SCLT1: variants seen among roughly 807,000 people sequenced by gnomAD.
SCLT1 encodes the protein sodium channel-associated protein 1.
Under a neutral mutation model 112.8 loss-of-function variants are expected in SCLT1, and 78 were observed. The observed-to-expected ratio is 0.69, with a 90% CI of 0.58 to 0.83. The LOEUF (loss-of-function observed/expected upper bound fraction) is 0.83. Ranked by LOEUF, SCLT1 falls within the 40% of genes least tolerant of loss-of-function variation. The pLI, the probability that SCLT1 is intolerant of heterozygous loss-of-function variation, is 0.00. For missense variants in SCLT1, 747 were observed against 770.4 expected (o/e 0.97, Z 0.36); for synonymous variants, 257 against 254.7 (o/e 1.01, Z -0.09).
In SCLT1 at chr4:128,946,061, T is replaced by A; in HGVS notation, c.1385A>T (p.Asp462Val). ...RFLVSERSKD[D>V]LQLRLTRAEN... is the part of the protein sequence containing the mutation. The stretch of plus-strand genomic sequence containing the variant: ...TGCTCTCGTAAGTCTTAGCTGAAGA[T>A]CATCTTTTGAACGCTCTGAAACCAG... The change falls in exon 16 of 21, where the codon GAT becomes GTT. Residue 462 changes from aspartate to valine, a missense_variant. By Grantham distance (152) the Asp-to-Val change is radical (BLOSUM62 -3). This residue lies in a region of SCLT1 where 723 missense variants were observed against 721.3 expected (regional missense o/e 1.00). Transcript: ENST00000281142. The A allele has an allele frequency of 6.2e-7, 1 of 1,611,552 alleles. No individual in the cohort carries two copies. Among genetic ancestry groups the A allele is most frequent in the Non-Finnish European group, 8.5e-7 (1 of 1,177,948 alleles).
At chr4:129,025,464 A>C (rs2126131772) in intron 5 of SCLT1, among the ~76,000 whole-genome samples, 1 of 152,302 alleles carries the variant, frequency 6.6e-6, no homozygotes, top group East Asian at 1.9e-4. Flanking sequence ...TCATAAGTGA[A>C]GGAGAAATAA....
chr4:129,085,911 G>T (rs1410012359), intron 1 of SCLT1, among the ~76,000 whole-genome samples: 1 of 152,060 alleles, frequency 6.6e-6, no homozygotes, highest in Non-Finnish European at 1.5e-5. Context: ...TGGGTATTAG[G>T]CTTAATACCT....
chr4:128,991,300 T>A (rs571348281), intron 9 of SCLT1, among the ~76,000 whole-genome samples: 191 of 151,586 alleles, frequency 1.3e-3, no homozygotes, highest in Non-Finnish European at 2.4e-3. Flanking sequence ...TCAACCCCTA[T>A]CTCTTGCCAT....
chr4:128,897,958 A>C (rs972068341), intron 18 of SCLT1, among the ~76,000 whole-genome samples: 2 of 152,236 alleles, frequency 1.3e-5, no homozygotes, highest in African/African-American at 4.8e-5. Flanking sequence ...GGATCAACTC[A>C]ACAAGAAGAG....
intron 18 of SCLT1, among the ~76,000 whole-genome samples, chr4:128,905,524 C>T (rs1579336321): frequency 6.6e-6 from 1 of 151,614 alleles, no homozygotes; most frequent in Admixed American, 6.6e-5. Flanking sequence ...GCACTTTAGA[C>T]TTTTTTTTAA....
chr4:128,994,641 A>G (rs1003659531), intron 8 of SCLT1, among the ~76,000 whole-genome samples: 1 of 152,096 alleles, frequency 6.6e-6, no homozygotes, highest in Admixed American at 6.6e-5. Flanking sequence ...AAAATGTTCA[A>G]GGTTTCCAAT....
rs1739510419 is a variant in SCLT1, at chr4:128,959,635, G to A, written c.1012C>T (p.Gln338Ter). The A allele has an allele frequency of 6.2e-7, 1 of 1,613,138 alleles. No individual in the cohort carries two copies. Among genetic ancestry groups the A allele is most frequent in the Non-Finnish European group, 8.5e-7 (1 of 1,179,508 alleles). The change falls in exon 12 of 21, where the codon CAA becomes TAA. Residue 338 changes from glutamine (Q) to a stop codon, truncating the protein, a stop_gained. Coordinates refer to ENST00000281142, the MANE Select transcript of SCLT1 (RefSeq NM_144643.4). LOFTEE classifies it high-confidence loss of function. ...TGAAGGTTAGCTTCTTCTAAGAGTT[G>A]CATGCTATTTCTGGCTCTTACAATA... ...EAIVRARNSM[Q>*]LLEEANLQKS...
downstream of SCLT1, among the ~76,000 whole-genome samples, chr4:128,880,105 A>G (rs1010975350): frequency 2.0e-5 from 3 of 152,196 alleles, no homozygotes; most frequent in African/African-American, 7.2e-5. Flanking sequence ...TCTGGAAAAT[A>G]TGACTAGTAT....
chr4:129,037,542 G>T lies in SCLT1; in HGVS notation c.290+1499C>A, dbSNP rs575877550. ...AAGTCTCCAGTTTTATGGAAATAAT[G>T]CTGCCATGGTAGTAATAGGGATGGT... is the stretch of plus-strand genomic sequence containing the variant. On this transcript the variant is annotated intron_variant, in intron 5 of 20. Transcript: ENST00000281142. 3.9e-5 allele frequency: 6 copies of T among 152,274 alleles called. No homozygotes were observed. In the South Asian group the frequency reaches 1.0e-3, roughly 26 times the overall value. 9.4% of individuals were successfully genotyped at this position (152,274 alleles called of 1,614,324 possible). A position where few individuals can be genotyped will look rare whatever the true frequency, so the allele number is the denominator to read the frequency against.
At chr4:129,080,279 C>CATTTTTCT (rs1751822743) in intron 2 of SCLT1, among the ~76,000 whole-genome samples, 1 of 152,228 alleles carries the variant, frequency 6.6e-6, no homozygotes, top group African/African-American at 2.4e-5. Flanking sequence ...AGGCTGTAAA[C>CATTTTTCT]TTTCCAAACT....
intron 11 of SCLT1, 22 bp downstream of exon 11, chr4:128,965,205 C>A: frequency 9.2e-6 from 11 of 1,197,268 alleles, no homozygotes; most frequent in Non-Finnish European, 1.4e-5. Context: ...ATCAACAAAG[C>A]TAGGTGCATT....
chr4:128,986,977 T>G (rs1742151716), intron 9 of SCLT1, among the ~76,000 whole-genome samples: 1 of 151,762 alleles, frequency 6.6e-6, no homozygotes, highest in South Asian at 2.1e-4. Context: ...GGGGAAGGAG[T>G]AAGAGACTTT....
At position 129,003,434 on chromosome 4, in the gene SCLT1, A is replaced by T. The variant is rs543602091; in HGVS notation, c.426+307T>A. ...GTATCCTAGAACTTAAAGTATAATT[A>T]AAAAAAAAAAAAAGAAAAAGAAAAA... On this transcript the variant is annotated intron_variant, in intron 6 of 20. Coordinates refer to ENST00000281142, the MANE Select transcript of SCLT1 (RefSeq NM_144643.4). Among the ~76,000 whole-genome samples the T allele has an allele frequency of 1.7e-3, 233 of 136,810 alleles. 1 individual carries two copies. Among genetic ancestry groups the T allele is most frequent in the East Asian group, 0.014 (67 of 4,952 alleles). 89.8% of individuals were successfully genotyped at this position (136,810 alleles called of 152,430 possible). A position where few individuals can be genotyped will look rare whatever the true frequency, so the allele number is the denominator to read the frequency against.
intron 2 of SCLT1, among the ~76,000 whole-genome samples, chr4:129,060,999 T>C (rs999312750): frequency 2.6e-5 from 4 of 152,160 alleles, no homozygotes; most frequent in South Asian, 2.1e-4. Context: ...TACTTGTGGT[T>C]CTATCCCTGG....
At chr4:129,072,859 G>A (rs1044875715) in intron 2 of SCLT1, among the ~76,000 whole-genome samples, 1 of 151,950 alleles carries the variant, frequency 6.6e-6, no homozygotes, top group African/African-American at 2.4e-5. Context: ...TGTGATTCTT[G>A]GGGGGTGCTG....
chr4:128,953,629 TA>T (rs1170683359), intron 13 of SCLT1, among the ~76,000 whole-genome samples: 92 of 143,978 alleles, frequency 6.4e-4, no homozygotes, highest in Admixed American at 7.0e-4. Context: ...TCCGTCTCTA[TA>T]AAAAAAAAAA....
At chr4:128,890,048 A>C (rs1733191854) in intron 19 of SCLT1, among the ~76,000 whole-genome samples, 1 of 152,228 alleles carries the variant, frequency 6.6e-6, no homozygotes, top group Non-Finnish European at 1.5e-5. Context: ...CAATTTACCA[A>C]GATGTTTAAA....
At chr4:129,013,195 T>C (rs2126107949) in intron 5 of SCLT1, among the ~76,000 whole-genome samples, 1 of 152,278 alleles carries the variant, frequency 6.6e-6, no homozygotes, top group South Asian at 2.1e-4. Flanking sequence ...TTTGTGCTTG[T>C]AAGTTCTTAC....
At chr4:128,932,495 C>T (rs930796092) in intron 18 of SCLT1, among the ~76,000 whole-genome samples, 1 of 151,782 alleles carries the variant, frequency 6.6e-6, no homozygotes, top group Non-Finnish European at 1.5e-5. Flanking sequence ...ATGACAAATC[C>T]ACAGCTAACA....
Sources: gnomAD v4.1 joint callset for allele counts (sites outside exome capture counted in the v4.1 genomes callset) on GRCh38, gnomAD v4.1.1 for gene constraint, gnomAD v4.1.1 regional missense constraint, MANE v1.5 for transcripts, NCBI Gene and HGNC (gene_info 2026-07-23, HGNC 2026-07-21) for gene names.